FECH: variants seen among roughly 807,000 people sequenced by gnomAD.
FECH encodes the protein ferrochelatase, mitochondrial.
A neutral mutation model predicts 56.9 loss-of-function variants in FECH; 40 were observed. The ratio of observed to expected loss-of-function variants is 0.70; its 90% CI spans 0.55 to 0.92. FECH has a LOEUF of 0.92. FECH is among the 40% of genes least tolerant of loss of function. The pLI, the probability that FECH is intolerant of heterozygous loss-of-function variation, is 0.00. For missense variants in FECH, 431 were observed against 529.1 expected, an observed-to-expected ratio of 0.81 and a Z score of 1.82; for synonymous variants, 175 against 198.6, an observed-to-expected ratio of 0.88 and a Z score of 1.00.
rs2050725833 is a variant in FECH, at chr18:57,546,762, C to G, written c.*3950G>C. Reference sequence around the variant, plus strand: ...GATCACGAGGTCAGGAATTAGAGACCAGCCTGACCAACATGGTCAGGCCCC... The same window carrying G: ...GATCACGAGGTCAGGAATTAGAGACGAGCCTGACCAACATGGTCAGGCCCC... On this transcript the variant is annotated 3_prime_UTR_variant, in exon 11 of 11. Transcript: ENST00000262093. 6.6e-6 allele frequency among the ~76,000 whole-genome samples: 1 copy of G among 151,538 alleles called. No individual in the cohort carries two copies. The highest frequency in any genetic ancestry group is 1.5e-5 in the Non-Finnish European group (1 of 67,890).
At chr18:57,554,497 C>T in intron 8 of FECH, 73 bp from the exon 9 acceptor site, 1 of 1,520,150 alleles carries the variant, frequency 6.6e-7, no homozygotes, top group Non-Finnish European at 9.1e-7. Context: ...GTTTGCCCCC[C>T]TGGGCACACG....
At chr18:57,563,085 C>A in intron 5 of FECH, 105 bp from the exon 6 acceptor site, 2 of 839,228 alleles carry the variant, frequency 2.4e-6, no homozygotes, top group South Asian at 2.9e-5. Context: ...GTAACTGCTT[C>A]TTTACTGAAT....
At position 57,546,407 on chromosome 18, in the gene FECH, T is replaced by C. The variant is rs1342427851; in HGVS notation, c.*4305A>G. ...TGCAGGTGCCCCCAGTCATCTACAC[T>C]CTGAGCAGGGGGCAGGTCTTGCTGC... On this transcript the variant is annotated 3_prime_UTR_variant, in exon 11 of 11. Transcript: ENST00000262093. Among the ~76,000 whole-genome samples, 4 of 152,062 alleles carry C rather than the reference T, an allele frequency of 2.6e-5. No homozygotes were observed. The highest frequency in any genetic ancestry group is 9.7e-5 in the African/African-American group (4 of 41,418).
Position 57,544,771 on chromosome 18 carries a change from G to A in FECH, c.*5941C>T, listed in dbSNP as rs1240320705. On this transcript the variant is annotated 3_prime_UTR_variant, in exon 11 of 11. Transcript: ENST00000262093. ...ACAACTTATGTACTGTGTTATTAAC[G>A]TTTTTCCCATCACTTTCTTAAGTCT... 1.3e-5 allele frequency among the ~76,000 whole-genome samples: 2 copies of A among 152,110 alleles called. No homozygotes were observed. Among genetic ancestry groups the A allele is most frequent in the African/African-American group, 2.4e-5 (1 of 41,428 alleles).
At position 57,580,442 on chromosome 18, in the gene FECH, C is replaced by A. The variant is rs72940375; in HGVS notation, c.68-243G>T. 4.2e-3 allele frequency among the ~76,000 whole-genome samples: 632 copies of A among 152,198 alleles called. 3 individuals carry two copies. Among genetic ancestry groups the A allele is most frequent in the Non-Finnish European group, 5.2e-3 (355 of 68,016 alleles). ...AGAGAAGCATTTTAGAAACTACACA[C>A]ACCTCCTCTCCCCACCTCGGCTGCA... On this transcript the variant is annotated intron_variant, in intron 1 of 10. Coordinates refer to ENST00000262093, the MANE Select transcript of FECH (RefSeq NM_000140.5).
chr18:57,570,032 C>CGTGTGTGTGT (rs10608112), intron 4 of FECH, among the ~76,000 whole-genome samples: 53 of 122,862 alleles, frequency 4.3e-4, no homozygotes, highest in Admixed American at 1.3e-3. Context: ...TTGTTGTTGT[C>CGTGTGTGTGT]GTGTGTGTGT....
intron 1 of FECH, among the ~76,000 whole-genome samples, chr18:57,584,325 C>A (rs1235604121): frequency 5.7e-3 from 565 of 99,826 alleles, no homozygotes; most frequent in African/African-American, 5.9e-3. Context: ...GACTCGGTCT[C>A]AAAAAAAAAA....
rs1304543092 is a variant in FECH at position 57,546,947 on chromosome 18, G to A, written c.*3765C>T. ...TGTACTCCAGCTTGGGCAACAGAGC[G>A]AGACTCCATCTCAAAAAAAAAAAAA... On this transcript the variant is annotated 3_prime_UTR_variant, in exon 11 of 11. Coordinates refer to ENST00000262093, the MANE Select transcript of FECH (RefSeq NM_000140.5). 6.9e-5 allele frequency among the ~76,000 whole-genome samples: 10 copies of A among 144,678 alleles called. No homozygotes were observed. Among genetic ancestry groups the A allele is most frequent in the East Asian group, 6.1e-4 (3 of 4,920 alleles). The allele number at this position is 144,678 out of a possible 152,430, so 94.9% of individuals were successfully genotyped here.
rs148669065 is a variant in FECH at position 57,582,085 on chromosome 18, G to A, written c.68-1886C>T. On this transcript the variant is annotated intron_variant, in intron 1 of 10. Coordinates refer to ENST00000262093, the MANE Select transcript of FECH (RefSeq NM_000140.5). ...ACTAAGTTTAATTCTGAACTTCATC[G>A]TGGGATTTAACCAGGTTCCTAATCA... 5.2e-3 allele frequency among the ~76,000 whole-genome samples: 787 copies of A among 151,818 alleles called. 1 individual carries two copies. The highest frequency in any genetic ancestry group is 8.3e-3 in the Non-Finnish European group (564 of 67,976).
At chr18:57,559,342 A>C (rs1211594045) in intron 6 of FECH, 99 bp from the exon 7 acceptor site, 37 of 845,574 alleles carry the variant, frequency 4.4e-5, no homozygotes, top group Middle Eastern at 2.4e-4. Flanking sequence ...CAAAAATCTC[A>C]GAGCAACCCT....
chr18:57,571,911 T>C (rs2051116231), intron 3 of FECH, among the ~76,000 whole-genome samples: 1 of 152,206 alleles, frequency 6.6e-6, no homozygotes, highest in Non-Finnish European at 1.5e-5. Flanking sequence ...ACATTTCTCT[T>C]AATTTAAAAA....
rs1219189568 is a variant in FECH at position 57,582,911 on chromosome 18, C to CA, written c.68-2713dup. On this transcript the variant is annotated intron_variant, in intron 1 of 10. Coordinates refer to ENST00000262093, the MANE Select transcript of FECH (RefSeq NM_000140.5). Reference sequence around the variant, plus strand: ...TGGGTGACAGAGTGAGACTCCATCTCAAAAAAAAAAAAGAAGAAGGAAGCG... The same window carrying CA: ...TGGGTGACAGAGTGAGACTCCATCTCAAAAAAAAAAAAAGAAGAAGGAAGCG... Among the ~76,000 whole-genome samples, 913 of 133,320 alleles carry CA rather than the reference C, an allele frequency of 6.8e-3. 8 individuals are homozygous for CA. Among genetic ancestry groups the CA allele is most frequent in the Middle Eastern group, 0.022 (6 of 272 alleles). The allele number at this position is 133,320 out of a possible 152,430, so 87.5% of individuals were successfully genotyped here.
At position 57,550,163 on chromosome 18, in the gene FECH, C is replaced by A; in HGVS notation, c.*549G>T. 6.5e-6 allele frequency: 1 copy of A among 153,814 alleles called. No individual in the cohort carries two copies. Among genetic ancestry groups the A allele is most frequent in the Non-Finnish European group, 1.4e-5 (1 of 69,110 alleles). 9.5% of individuals were successfully genotyped at this position (153,814 alleles called of 1,614,324 possible). A position where few individuals can be genotyped will look rare whatever the true frequency, so the allele number is the denominator to read the frequency against. ...TACCAAGATGACCAATGAATGGTGG[C>A]CTCGCTGGCAAAAGCAGCCATTGCA... On this transcript the variant is annotated 3_prime_UTR_variant, in exon 11 of 11. Transcript: ENST00000262093.
At chr18:57,556,529 G>A (rs549946827) in intron 7 of FECH, among the ~76,000 whole-genome samples, 19 of 152,240 alleles carry the variant, frequency 1.2e-4, no homozygotes, top group Non-Finnish European at 2.2e-4. Flanking sequence ...ATGCATCACC[G>A]CAACCTAATC....
intron 3 of FECH, 169 bp downstream of exon 3, chr18:57,573,077 T>G: frequency 1.4e-6 from 1 of 715,048 alleles, no homozygotes; most frequent in Non-Finnish European, 2.3e-6. Flanking sequence ...TCTCTCCCCC[T>G]GCAATTTTCT....
rs756194326 is a variant in FECH, at chr18:57,566,563, A to G, written c.482T>C (p.Ile161Thr). The G allele has an allele frequency of 6.2e-7, 1 of 1,614,208 alleles. No homozygotes were observed. The highest frequency in any genetic ancestry group is 1.1e-5 in the South Asian group (1 of 91,088). The change falls in exon 5 of 11, where the codon ATT becomes ACT. Residue 161 changes from isoleucine (I) to threonine (T), a missense_variant. Transcript: ENST00000262093. The part of the protein sequence containing the change: ...SPNTAPHKYY[I>T]GFRYVHPLTE... ...TAAAGGATGGACGTACCGAAATCCA[A>G]TATAGTATTTGTGAGGGGCTATTAG...
chr18:57,555,694 T>C (rs755202430), intron 7 of FECH, among the ~76,000 whole-genome samples: 1 of 152,258 alleles, frequency 6.6e-6, no homozygotes, highest in Non-Finnish European at 1.5e-5. Flanking sequence ...ACCATTTTCA[T>C]ATGTATTATG....
chr18:57,570,174 G>A (rs550428024), intron 4 of FECH, among the ~76,000 whole-genome samples: 11 of 152,176 alleles, frequency 7.2e-5, no homozygotes, highest in South Asian at 4.2e-4. Flanking sequence ...GATTACAGGC[G>A]TGAGCCACCA....
At chr18:57,573,467 G>T in intron 2 of FECH, 102 bp from the exon 3 acceptor site, 1 of 1,373,998 alleles carries the variant, frequency 7.3e-7, no homozygotes, top group Non-Finnish European at 1.0e-6. Context: ...TCCATACAAA[G>T]GTAAATACTA....
Sources: allele counts gnomAD v4.1 joint callset (sites outside exome capture counted in the v4.1 genomes callset), GRCh38; gene constraint gnomAD v4.1.1; transcripts MANE v1.5; gene names NCBI Gene and HGNC (gene_info 2026-07-23, HGNC 2026-07-21).